The following TTLL4 variants were observed in gnomAD, a reference collection of about 807,000 sequenced individuals.
TTLL4 encodes the protein tubulin monoglutamylase TTLL4.
Under a neutral mutation model 122.7 loss-of-function variants are expected in TTLL4, and 85 were observed. The ratio of observed to expected loss-of-function variants is 0.69; its 90% CI spans 0.58 to 0.83. The LOEUF is 0.83. Among genes scored for constraint, TTLL4 ranks in the 40% least tolerant of loss-of-function variants. The pLI is 0.00. For synonymous variants in TTLL4, 553 were observed against 563.0 expected, an observed-to-expected ratio of 0.98 and a Z score of 0.25; for missense variants, 1,363 against 1,488.6, an observed-to-expected ratio of 0.92 and a Z score of 1.39.
downstream of TTLL4, among the ~76,000 whole-genome samples, chr2:218,756,022 C>G (rs1217491871): frequency 6.6e-6 from 1 of 152,180 alleles, no homozygotes; most frequent in Non-Finnish European, 1.5e-5. Flanking sequence ...GTCCTTGACA[C>G]TCCTATTGGA....
chr2:218,757,885 A>G (rs1943183035), downstream of TTLL4, among the ~76,000 whole-genome samples: 1 of 152,188 alleles, frequency 6.6e-6, no homozygotes, highest in South Asian at 2.1e-4. Flanking sequence ...CTCTAAGATT[A>G]AGGCTTACCT....
At chr2:218,758,800 A>G (rs1943193652), downstream of TTLL4, among the ~76,000 whole-genome samples, 1 of 152,238 alleles carries the variant, frequency 6.6e-6, no homozygotes, top group Middle Eastern at 3.2e-3. Flanking sequence ...ACATGTCCTT[A>G]ACGTATGACC....
At position 218,737,755 on chromosome 2, in the gene TTLL4, A is replaced by ACAGTACCTGCCACGCCAC; in HGVS notation, c.81_98dup (p.Val28_Pro33dup). 6.2e-7 allele frequency: 1 copy of ACAGTACCTGCCACGCCAC among 1,614,012 alleles called. No homozygotes were observed. The highest frequency in any genetic ancestry group is 8.5e-7 in the Non-Finnish European group (1 of 1,179,862). On this transcript the variant is annotated inframe_insertion, in exon 3 of 20. Transcript: ENST00000392102. ...CTTCAAGCAGAGTGGTCCCTCAGGC[A>ACAGTACCTGCCACGCCAC]CAGTACCTGCCACGCCACCTGAGAA... is the stretch of plus-strand genomic sequence containing the variant.
intron 2 of TTLL4, among the ~76,000 whole-genome samples, chr2:218,729,748 T>A (rs867641295): frequency 0.027 from 2,127 of 78,454 alleles, 49 homozygotes; most frequent in African/African-American, 0.087. Flanking sequence ...TCTCTCTTTT[T>A]AAAAAAAAAA....
intron 2 of TTLL4, among the ~76,000 whole-genome samples, chr2:218,733,229 G>A (rs576101788): frequency 5.7e-4 from 86 of 152,004 alleles, no homozygotes; most frequent in Non-Finnish European, 7.9e-4. Context: ...GTTCGTTCTC[G>A]TACTGCTATA....
At chr2:218,716,281 G>A (rs980462313) in intron 1 of TTLL4, among the ~76,000 whole-genome samples, 6 of 152,154 alleles carry the variant, frequency 3.9e-5, no homozygotes, top group African/African-American at 7.2e-5. Context: ...AAATAATGAC[G>A]TCGGAATAAC....
chr2:218,757,338 C>T (rs1666524567), downstream of TTLL4, among the ~76,000 whole-genome samples: 1 of 152,184 alleles, frequency 6.6e-6, no homozygotes, highest in Admixed American at 6.5e-5. Context: ...CACCATTCAC[C>T]CTCCTATTAC....
intron 5 of TTLL4, among the ~76,000 whole-genome samples, chr2:218,741,484 CTG>C (rs1942699790): frequency 6.6e-6 from 1 of 152,168 alleles, no homozygotes; most frequent in African/African-American, 2.4e-5. Flanking sequence ...GGCTGCATCT[CTG>C]TGAAATGTTA....
chr2:218,752,152 C>A (rs1204035742), intron 16 of TTLL4, among the ~76,000 whole-genome samples: 2 of 152,202 alleles, frequency 1.3e-5, no homozygotes, highest in African/African-American at 4.8e-5. Context: ...AAGTGATCCG[C>A]CTGCCTCGGC....
intron 5 of TTLL4, 22 bp from the exon 6 acceptor site, chr2:218,745,086 TC>T: frequency 6.2e-7 from 1 of 1,613,418 alleles, no homozygotes; most frequent in South Asian, 1.1e-5. Context: ...CTTTCTCTAC[TC>T]CATGTTTGTT....
In TTLL4 at chr2:218,736,763, C is replaced by G. The variant is rs140784150; in HGVS notation, c.-98-816C>G. ...TTCTCTTCTCCTGTCTGAACTTGTCCTATTTAACCATGAAAAGCAGACTAA... is the reference window on the plus strand; with the variant it reads ...TTCTCTTCTCCTGTCTGAACTTGTCGTATTTAACCATGAAAAGCAGACTAA... On this transcript the variant is annotated intron_variant, in intron 2 of 19. Transcript: ENST00000392102. Among the ~76,000 whole-genome samples the G allele has an allele frequency of 3.4e-3, 518 of 152,158 alleles. 5 individuals are homozygous for G. Among genetic ancestry groups the G allele is most frequent in the Non-Finnish European group, 3.8e-3 (258 of 68,014 alleles).
intron 13 of TTLL4, 109 bp from the exon 14 acceptor site, chr2:218,749,144 C>G (rs1942945766): frequency 6.7e-7 from 1 of 1,500,480 alleles, no homozygotes; most frequent in Non-Finnish European, 9.0e-7. Flanking sequence ...GCTACCTTTC[C>G]TGGGTTGCTT....
chr2:218,734,187 G>A (rs1461363459), intron 2 of TTLL4, among the ~76,000 whole-genome samples: 3 of 152,086 alleles, frequency 2.0e-5, no homozygotes, highest in African/African-American at 7.2e-5. Context: ...TCTGAGTCTT[G>A]GATTCATCAT....
intron 1 of TTLL4, among the ~76,000 whole-genome samples, chr2:218,711,831 C>T (rs1310090064): frequency 9.3e-6 from 1 of 107,980 alleles, no homozygotes; most frequent in Non-Finnish European, 2.3e-5. Flanking sequence ...ATATTTTAAT[C>T]CTTCCTTGAT....
chr2:218,722,573 A>C (rs1464873769), intron 1 of TTLL4, among the ~76,000 whole-genome samples: 1 of 152,212 alleles, frequency 6.6e-6, no homozygotes, highest in Non-Finnish European at 1.5e-5. Context: ...AGAGGAAACC[A>C]CAAAGATCCA....
intron 2 of TTLL4, among the ~76,000 whole-genome samples, chr2:218,736,945 G>C (rs1283944904): frequency 6.6e-6 from 1 of 151,476 alleles, no homozygotes; most frequent in Non-Finnish European, 1.5e-5. Flanking sequence ...TGCCTCCCAG[G>C]CTCAAGCGAT....
chr2:218,717,801 C>CTT (rs923415185), intron 1 of TTLL4, among the ~76,000 whole-genome samples: 5 of 144,290 alleles, frequency 3.5e-5, no homozygotes, highest in Admixed American at 1.4e-4. Context: ...CTATCTTCTT[C>CTT]TTTTTTTTTT....
Position 218,754,355 on chromosome 2 carries a change from C to CA in TTLL4, c.3568dup (p.Ile1190AsnfsTer3). ...CTTTCTGCTTCCTCCACTTTCCAGT[C>CA]AATCAGTGACTCCCTCCTGGCTGTG... On this transcript the variant is annotated frameshift_variant, in exon 20 of 20. Transcript: ENST00000392102. LOFTEE classifies it high-confidence loss of function. 1.2e-6 allele frequency: 2 copies of CA among 1,614,214 alleles called. No individual in the cohort carries two copies. The highest frequency in any genetic ancestry group is 1.7e-6 in the Non-Finnish European group (2 of 1,180,048).
At chr2:218,720,751 T>A (rs1257523536) in intron 1 of TTLL4, among the ~76,000 whole-genome samples, 3 of 151,844 alleles carry the variant, frequency 2.0e-5, no homozygotes, top group Admixed American at 6.6e-5. Flanking sequence ...CTTCAGAACT[T>A]GTAAGTGATA....
Sources: gnomAD v4.1 joint callset for allele counts (sites outside exome capture counted in the v4.1 genomes callset) on GRCh38, gnomAD v4.1.1 for gene constraint, MANE v1.5 for transcripts, NCBI Gene and HGNC (gene_info 2026-07-23, HGNC 2026-07-21) for gene names.